MBNL2: variants seen among roughly 807,000 people sequenced by gnomAD.
MBNL2 encodes the protein muscleblind like splicing regulator 2.
A neutral mutation model predicts 41.9 loss-of-function variants in MBNL2; 17 were observed. That is an observed-to-expected ratio of 0.41 (90% CI 0.28 to 0.61). MBNL2 has a LOEUF of 0.61. Ranked by LOEUF, MBNL2 falls within the 20% of genes least tolerant of loss-of-function variation. The pLI is 0.35. For missense variants in MBNL2, 336 were observed against 505.6 expected (o/e 0.66, Z 3.22); for synonymous variants, 195 against 182.9 (o/e 1.07, Z -0.53).
At chr13:97,300,752 C>CT in intron 2 of MBNL2, among the ~76,000 whole-genome samples, 1 of 152,340 alleles carries the variant, frequency 6.6e-6, no homozygotes, top group Middle Eastern at 3.4e-3. Flanking sequence ...AATTTGGGTG[C>CT]TCAATCCCTA....
chr13:97,269,276 T>C lies in MBNL2; in HGVS notation c.-604-6356T>C, dbSNP rs528103015. 2.0e-4 allele frequency among the ~76,000 whole-genome samples: 31 copies of C among 152,150 alleles called. No individual in the cohort carries two copies. In the South Asian group the frequency reaches 6.2e-3, roughly 31 times the overall value. ...AGACTTACACAAAACTGGAAAATAA[T>C]GTGGGCAGAGACCCTGTTCCCAGTG... On this transcript the variant is annotated intron_variant, in intron 1 of 8. Coordinates refer to ENST00000679496, the MANE Select transcript of MBNL2 (RefSeq NM_001382683.1).
chr13:97,307,186 A>G (rs2058199227), intron 2 of MBNL2, among the ~76,000 whole-genome samples: 1 of 152,094 alleles, frequency 6.6e-6, no homozygotes, highest in African/African-American at 2.4e-5. Flanking sequence ...TGATTGGTTG[A>G]TGATTGATTA....
intron 2 of MBNL2, among the ~76,000 whole-genome samples, chr13:97,330,918 A>C (rs776516239): frequency 4.6e-5 from 7 of 152,164 alleles, no homozygotes; most frequent in Non-Finnish European, 1.0e-4. Flanking sequence ...AATTCTTCAA[A>C]ATATTAATAC....
intron 1 of MBNL2, among the ~76,000 whole-genome samples, chr13:97,266,120 T>C (rs1204713550): frequency 6.6e-6 from 1 of 152,028 alleles, no homozygotes; most frequent in African/African-American, 2.4e-5. Context: ...CAGGTGCCTG[T>C]AATCCCAACT....
intron 7 of MBNL2, among the ~76,000 whole-genome samples, chr13:97,360,918 C>T (rs1412800411): frequency 7.2e-5 from 11 of 152,256 alleles, no homozygotes; most frequent in East Asian, 1.9e-4. Flanking sequence ...TTATGAGAAA[C>T]GTGTAAATGT....
chr13:97,173,287 A>C, the MBNL2 span, among the ~76,000 whole-genome samples: 1 of 152,242 alleles, frequency 6.6e-6, no homozygotes, highest in Non-Finnish European at 1.5e-5. Flanking sequence ...GAATGAGGAA[A>C]GGGATAAAAA....
At chr13:97,235,996 C>G (rs1414719749) in intron 1 of MBNL2, among the ~76,000 whole-genome samples, 4 of 152,202 alleles carry the variant, frequency 2.6e-5, no homozygotes, top group South Asian at 4.1e-4. Flanking sequence ...GGCGTTGGAG[C>G]TGACCTGCCC....
At chr13:97,207,583 A>G in the MBNL2 span, among the ~76,000 whole-genome samples, 778 of 152,280 alleles carry the variant, frequency 5.1e-3, 3 homozygotes, top group Middle Eastern at 0.014. Flanking sequence ...CCATGATTCA[A>G]TTACCTCCCA....
At chr13:97,240,029 C>T (rs1449653331) in intron 1 of MBNL2, among the ~76,000 whole-genome samples, 2 of 152,216 alleles carry the variant, frequency 1.3e-5, no homozygotes, top group African/African-American at 4.8e-5. Context: ...CCAAGTTACT[C>T]TGAAGGTTGA....
chr13:97,151,660 A>G, the MBNL2 span, among the ~76,000 whole-genome samples: 435 of 152,296 alleles, frequency 2.9e-3, 2 homozygotes, highest in African/African-American at 9.8e-3. Context: ...ACTGGTTTCA[A>G]GTTTCAGGTT....
intron 1 of MBNL2, among the ~76,000 whole-genome samples, chr13:97,240,982 G>A (rs530634833): frequency 1.3e-5 from 2 of 152,102 alleles, no homozygotes; most frequent in Admixed American, 1.3e-4. Flanking sequence ...TAAAACTTTT[G>A]GAAATGAATG....
the MBNL2 span, among the ~76,000 whole-genome samples, chr13:97,187,683 A>G: frequency 1.3e-5 from 2 of 148,508 alleles, no homozygotes; most frequent in African/African-American, 2.4e-5. Context: ...CAAGGCGGGC[A>G]GATCACCAGG....
At chr13:97,231,987 TCTC>T (rs2042448523) in intron 1 of MBNL2, among the ~76,000 whole-genome samples, 1 of 152,102 alleles carries the variant, frequency 6.6e-6, no homozygotes, top group Admixed American at 6.5e-5. Context: ...AGCGCCATTC[TCTC>T]CTCCTCATCT....
intron 2 of MBNL2, among the ~76,000 whole-genome samples, chr13:97,282,349 C>A (rs1422326629): frequency 1.3e-5 from 2 of 151,952 alleles, no homozygotes; most frequent in Non-Finnish European, 2.9e-5. Context: ...AGCAAGACTT[C>A]ATCTCAAGAA....
the MBNL2 span, among the ~76,000 whole-genome samples, chr13:97,142,066 C>G: frequency 6.6e-6 from 1 of 151,996 alleles, no homozygotes; most frequent in Non-Finnish European, 1.5e-5. Context: ...TGACTAGCAA[C>G]CGATAGAAAT....
the MBNL2 span, among the ~76,000 whole-genome samples, chr13:97,214,700 TTC>T: frequency 4.6e-5 from 7 of 152,260 alleles, no homozygotes; most frequent in African/African-American, 1.7e-4. Flanking sequence ...GGCTTGGACA[TTC>T]TCTGTCAGAA....
the MBNL2 span, among the ~76,000 whole-genome samples, chr13:97,147,932 C>T: frequency 2.0e-5 from 3 of 152,094 alleles, no homozygotes; most frequent in Non-Finnish European, 4.4e-5. Flanking sequence ...AGGCGGGGGA[C>T]GTCCTGGCTC....
chr13:97,316,638 T>C (rs2059081576), intron 2 of MBNL2, among the ~76,000 whole-genome samples: 1 of 152,170 alleles, frequency 6.6e-6, no homozygotes. Context: ...GCCTGGGATA[T>C]GCTTCATCTG....
intron 2 of MBNL2, among the ~76,000 whole-genome samples, chr13:97,314,701 G>A (rs1390576097): frequency 1.3e-5 from 2 of 152,180 alleles, no homozygotes; most frequent in South Asian, 2.1e-4. Context: ...GAGATAATCC[G>A]CAGCTCAGGC....
Sources: allele counts gnomAD v4.1 joint callset (sites outside exome capture counted in the v4.1 genomes callset), GRCh38; gene constraint gnomAD v4.1.1; transcripts MANE v1.5; gene names NCBI Gene and HGNC (gene_info 2026-07-23, HGNC 2026-07-21).